Variants in CRISPLD2 observed in about 807,000 individuals in gnomAD.
CRISPLD2 encodes the protein cysteine-rich secretory protein LCCL domain-containing 2.
Under a neutral mutation model 71.1 loss-of-function variants are expected in CRISPLD2, and 47 were observed. The observed-to-expected ratio is 0.66, with a 90% CI of 0.52 to 0.84. The LOEUF (loss-of-function observed/expected upper bound fraction) is 0.84, where lower values mean the gene tolerates loss of function less well. Among genes scored for constraint, CRISPLD2 ranks in the 40% least tolerant of loss-of-function variants. The pLI is 0.00. For missense variants in CRISPLD2, 830 were observed against 651.1 expected (o/e 1.27, Z -2.99); for synonymous variants, 317 against 250.1 (o/e 1.27, Z -2.52).
At chr16:84,874,059 C>A in intron 11 of CRISPLD2, 96 bp downstream of exon 11, 1 of 1,119,032 alleles carries the variant, frequency 8.9e-7, no homozygotes, top group South Asian at 1.4e-5. Context: ...TAATGTTTAT[C>A]ATGCGTGTGA....
chr16:84,847,774 G>A (rs1307310236), intron 3 of CRISPLD2, among the ~76,000 whole-genome samples: 1 of 152,208 alleles, frequency 6.6e-6, no homozygotes, highest in Non-Finnish European at 1.5e-5. Context: ...ACCTGGCTGG[G>A]CGCCGACGTA....
intron 1 of CRISPLD2, chr16:84,828,419 T>C (rs763972313): frequency 2.6e-5 from 4 of 152,196 alleles, no homozygotes; most frequent in Non-Finnish European, 4.4e-5. Context: ...CTTGAGGAAG[T>C]TGAGGCATGC....
At chr16:84,898,989 C>G (rs557907768) in intron 14 of CRISPLD2, among the ~76,000 whole-genome samples, 84 of 152,268 alleles carry the variant, frequency 5.5e-4, no homozygotes, top group African/African-American at 1.9e-3. Flanking sequence ...CACTCCTGGA[C>G]TCAAGCAATC....
At chr16:84,847,211 C>G (rs914939579) in intron 3 of CRISPLD2, among the ~76,000 whole-genome samples, 2 of 152,220 alleles carry the variant, frequency 1.3e-5, no homozygotes, top group African/African-American at 2.4e-5. Flanking sequence ...TTGGGTTTCA[C>G]TGGGCCACGG....
chr16:84,823,872 G>T (rs1030644844), intron 1 of CRISPLD2, among the ~76,000 whole-genome samples: 2 of 152,114 alleles, frequency 1.3e-5, no homozygotes, highest in Non-Finnish European at 2.9e-5. Context: ...TTTCTGGAAC[G>T]TGTTTTATTT....
At chr16:84,837,439 C>T (rs1009889758) in intron 1 of CRISPLD2, among the ~76,000 whole-genome samples, 5 of 142,142 alleles carry the variant, frequency 3.5e-5, no homozygotes, top group Admixed American at 1.4e-4. Flanking sequence ...TTTTCTGAGA[C>T]GGAGTCTCGC....
At chr16:84,827,406 A>G (rs529896005) in intron 1 of CRISPLD2, among the ~76,000 whole-genome samples, 139 of 152,076 alleles carry the variant, frequency 9.1e-4, no homozygotes, top group Non-Finnish European at 1.4e-3. Flanking sequence ...CGTGGCCTTC[A>G]AGGCTGCTCA....
At chr16:84,863,831 G>T (rs995954522) in intron 6 of CRISPLD2, among the ~76,000 whole-genome samples, 3 of 151,992 alleles carry the variant, frequency 2.0e-5, no homozygotes, top group Non-Finnish European at 4.4e-5. Context: ...AGCCGGGCAT[G>T]GTGGCGCATG....
In CRISPLD2 at chr16:84,867,005, C is replaced by A. The variant is rs778748348; in HGVS notation, c.818C>A (p.Thr273Asn). ...VWLQPRVMRPTKPKKTSAVNY... is the reference protein window; with the variant it reads ...VWLQPRVMRPNKPKKTSAVNY... ...CTCCAACCGAGGGTGATGAGACCCA[C>A]CAAGCCCAAGAAAACCTCTGCGGTC... Residue 273 changes from threonine (T) to asparagine (N), a missense_variant, in exon 7 of 15, where the codon ACC (threonine) becomes AAC (asparagine). Thr to Asn is a moderately conservative substitution (Grantham distance 65). Coordinates refer to ENST00000262424, the MANE Select transcript of CRISPLD2 (RefSeq NM_031476.4). The A allele has an allele frequency of 1.2e-6, 2 of 1,614,062 alleles. No homozygotes were observed. The highest frequency in any genetic ancestry group is 3.3e-5 in the Admixed American group (2 of 60,010).
In CRISPLD2 at chr16:84,886,007, G is replaced by T. The variant is rs141727398; in HGVS notation, c.1306-3223G>T. On this transcript the variant is annotated intron_variant, in intron 13 of 14. Transcript: ENST00000262424. ...CTAACGTTTTTAAATTTTTTGTAGA[G>T]ACCAGATCTCGCTATGTTGCCCAGG... is the stretch of plus-strand genomic sequence containing the variant. 2.2e-3 allele frequency among the ~76,000 whole-genome samples: 336 copies of T among 151,890 alleles called. 1 individual carries two copies. The highest frequency in any genetic ancestry group is 7.5e-3 in the African/African-American group (311 of 41,412).
chr16:84,833,911 G>A (rs975110983), intron 1 of CRISPLD2, among the ~76,000 whole-genome samples: 9 of 152,204 alleles, frequency 5.9e-5, no homozygotes, highest in Admixed American at 5.2e-4. Context: ...GAACTTTAGG[G>A]CAAGATTCGG....
intron 1 of CRISPLD2, among the ~76,000 whole-genome samples, chr16:84,834,214 C>G (rs1386418855): frequency 1.3e-5 from 2 of 152,226 alleles, no homozygotes; most frequent in Non-Finnish European, 2.9e-5. Context: ...GGCGCTCACA[C>G]CACGACGGGC....
At chr16:84,837,892 T>C (rs1916664703) in intron 1 of CRISPLD2, among the ~76,000 whole-genome samples, 1 of 152,180 alleles carries the variant, frequency 6.6e-6, no homozygotes, top group Non-Finnish European at 1.5e-5. Flanking sequence ...TGTGTCTTAG[T>C]GTGCAACAGA....
intron 14 of CRISPLD2, among the ~76,000 whole-genome samples, chr16:84,891,289 A>G (rs911402886): frequency 6.6e-6 from 1 of 152,208 alleles, no homozygotes; most frequent in Non-Finnish European, 1.5e-5. Context: ...CTCCTGGGAC[A>G]CGGCCCCTGC....
chr16:84,894,020 C>G (rs1424294281), intron 14 of CRISPLD2, among the ~76,000 whole-genome samples: 4 of 152,302 alleles, frequency 2.6e-5, no homozygotes, highest in East Asian at 3.9e-4. Context: ...CACAAACCAC[C>G]AAAACCCCCA....
intron 2 of CRISPLD2, chr16:84,839,726 A>C (rs1597451112): frequency 6.6e-6 from 1 of 152,256 alleles, no homozygotes; most frequent in Non-Finnish European, 1.5e-5. Flanking sequence ...CTCCTCGTCC[A>C]CCAACCGGGA....
rs1597460394 is a variant in CRISPLD2 at position 84,854,819 on chromosome 16, G to A, written c.699G>A (p.Leu233=). The A allele has an allele frequency of 2.5e-6, 4 of 1,613,722 alleles. No individual in the cohort carries two copies. Among genetic ancestry groups the A allele is most frequent in the Middle Eastern group, 1.6e-4 (1 of 6,084 alleles). The change falls in exon 6 of 15, where the codon TTG becomes TTA. Residue 233 remains leucine (L), a synonymous_variant. Coordinates refer to ENST00000262424, the MANE Select transcript of CRISPLD2 (RefSeq NM_031476.4). ...ATGGAGGCAGCTGCAGGAACAACTT[G>A]TGTTACCGAGGTAGGAAATTTACTC... The part of the protein sequence containing the change: ...PSYGGSCRNN[L]CYREETYTPK...
chr16:84,837,990 C>G (rs955479979), intron 1 of CRISPLD2, among the ~76,000 whole-genome samples: 1 of 152,188 alleles, frequency 6.6e-6, no homozygotes, highest in African/African-American at 2.4e-5. Context: ...TTCACAGGGA[C>G]TAGAAGTTTG....
At chr16:84,843,150 A>G (rs149020459) in intron 2 of CRISPLD2, among the ~76,000 whole-genome samples, 2,960 of 152,198 alleles carry the variant, frequency 0.019, 51 homozygotes, top group Non-Finnish European at 0.032. Flanking sequence ...CTTTGGTCTA[A>G]AAGGCCGGCC....
Sources: gnomAD v4.1 joint callset for allele counts (sites outside exome capture counted in the v4.1 genomes callset) on GRCh38, gnomAD v4.1.1 for gene constraint, MANE v1.5 for transcripts, NCBI Gene and HGNC (gene_info 2026-07-23, HGNC 2026-07-21) for gene names.